STARD13: variants seen among roughly 807,000 people sequenced by gnomAD.
STARD13 encodes the protein stAR-related lipid transfer protein 13.
STARD13 carries 62 observed loss-of-function variants against 106.4 expected under a neutral mutation model. That is an observed-to-expected ratio of 0.58 (90% confidence interval 0.48 to 0.72). The LOEUF (loss-of-function observed/expected upper bound fraction) is 0.72, where lower values mean the gene tolerates loss of function less well. STARD13 is among the 30% of genes least tolerant of loss of function. The pLI, the probability that STARD13 is intolerant of heterozygous loss-of-function variation, is 0.00. For synonymous variants in STARD13, 565 were observed against 553.0 expected (o/e 1.02, Z -0.31); for missense variants, 1,387 against 1,424.0 (o/e 0.97, Z 0.42).
At chr13:33,274,426 G>T (rs1443957955) in intron 1 of STARD13, among the ~76,000 whole-genome samples, 2 of 152,184 alleles carry the variant, frequency 1.3e-5, no homozygotes, top group South Asian at 2.1e-4. Flanking sequence ...CCGGCACCTT[G>T]TTCTCAACTT....
chr13:33,558,276 A>C, the STARD13 span, among the ~76,000 whole-genome samples: 4 of 152,308 alleles, frequency 2.6e-5, no homozygotes, highest in South Asian at 8.3e-4. Flanking sequence ...CTTATCTATA[A>C]ATTGGGGATG....
the STARD13 span, among the ~76,000 whole-genome samples, chr13:33,645,196 C>T: frequency 6.6e-6 from 1 of 152,160 alleles, no homozygotes; most frequent in East Asian, 1.9e-4. Context: ...GCCTCCGTTA[C>T]AAGATGTCTT....
chr13:33,221,312 G>A (rs1888342812), intron 1 of STARD13, among the ~76,000 whole-genome samples: 2 of 152,142 alleles, frequency 1.3e-5, no homozygotes, highest in Non-Finnish European at 2.9e-5. Context: ...TTCTCCAGGT[G>A]CCTCATGTAA....
At position 33,111,805 on chromosome 13, in the gene STARD13, C is replaced by T; in HGVS notation, c.2580G>A (p.Met860Ile). 1 of 1,614,108 alleles carries T rather than the reference C, an allele frequency of 6.2e-7. No individual in the cohort carries two copies. The highest frequency in any genetic ancestry group is 1.1e-5 in the South Asian group (1 of 91,078). Residue 860 changes from methionine to isoleucine, a missense_variant, in exon 10 of 14, where the codon ATG becomes ATA. Transcript: ENST00000336934. ...CAAAAAGTCTGTCGCATTCCATGAT[C>T]ATGTGCGCTAGCCCCTGAGCTGCTG... The part of the protein sequence containing the change: ...NLAAAQGLAH[M>I]IMECDRLFEV...
chr13:33,254,630 C>T (rs1050978313), intron 1 of STARD13, among the ~76,000 whole-genome samples: 71 of 152,122 alleles, frequency 4.7e-4, no homozygotes, highest in African/African-American at 1.6e-3. Context: ...CCATATAAAT[C>T]CCGAAACCCA....
At chr13:33,510,103 G>A in the STARD13 span, among the ~76,000 whole-genome samples, 1 of 152,142 alleles carries the variant, frequency 6.6e-6, no homozygotes, top group Non-Finnish European at 1.5e-5. Context: ...AAGTTTTATT[G>A]CAGTGATGGC....
At chr13:33,649,158 G>C in the STARD13 span, among the ~76,000 whole-genome samples, 1 of 152,110 alleles carries the variant, frequency 6.6e-6, no homozygotes, top group Non-Finnish European at 1.5e-5. Context: ...TGATACTCTA[G>C]AGTCCAGATA....
chr13:33,130,040 C>G lies in STARD13; in HGVS notation c.637G>C (p.Gly213Arg). ...ACCGGGTTGTCTGTACAGCACTGGC[C>G]CGGCTGGCTGCGACTGTCGCTGCCT... ...SGGSDSRSQP[G>R]QCCTDNPVML... Residue 213 changes from glycine (G) to arginine (R), a missense_variant, in exon 5 of 14, where the codon GGC becomes CGC. Physicochemically the swap from Gly to Arg is moderately radical, Grantham distance 125. Transcript: ENST00000336934. The surrounding 1 kb of genome is among the most constrained non-coding windows in gnomAD (Gnocchi z 4.1). 6.2e-7 allele frequency: 1 copy of G among 1,613,504 alleles called. No individual in the cohort carries two copies. The highest frequency in any genetic ancestry group is 8.5e-7 in the Non-Finnish European group (1 of 1,179,882).
chr13:33,666,831 A>G, the STARD13 span, among the ~76,000 whole-genome samples: 4 of 152,106 alleles, frequency 2.6e-5, no homozygotes, highest in Non-Finnish European at 2.9e-5. Flanking sequence ...ACCTCATGTG[A>G]TCCACCTTCC....
the STARD13 span, among the ~76,000 whole-genome samples, chr13:33,673,506 T>G: frequency 1.4e-5 from 2 of 147,172 alleles, no homozygotes; most frequent in African/African-American, 5.4e-5. Flanking sequence ...TATACATTAG[T>G]TTTTTTTCTT....
Position 33,129,995 on chromosome 13 carries a change from C to A in STARD13, c.682G>T (p.Val228Phe). 6.2e-7 allele frequency: 1 copy of A among 1,612,958 alleles called. No individual in the cohort carries two copies. The highest frequency in any genetic ancestry group is 1.1e-5 in the South Asian group (1 of 90,992). ...GGGGGCTGTGGGAGGCTGCTGCTGA[C>A]GAGTGGGGCATCCAGCATGACCGGG... ...DNPVMLDAPL[V>F]SSSLPQPPRD... The change falls in exon 5 of 14, where the codon GTC becomes TTC. Residue 228 changes from valine (V) to phenylalanine (F), a missense_variant. Physicochemically the swap from Val to Phe is conservative, Grantham distance 50. Coordinates refer to ENST00000336934, the MANE Select transcript of STARD13 (RefSeq NM_178006.4).
the STARD13 span, among the ~76,000 whole-genome samples, chr13:33,499,809 G>A: frequency 1.8e-4 from 24 of 135,284 alleles, 1 homozygote; most frequent in South Asian, 5.2e-3. Flanking sequence ...CTATTCCCCA[G>A]GCTACAGTGC....
intron 1 of STARD13, among the ~76,000 whole-genome samples, chr13:33,179,114 A>C (rs1884988193): frequency 6.6e-6 from 1 of 152,140 alleles, no homozygotes; most frequent in Non-Finnish European, 1.5e-5. Context: ...TCAAGTTTCT[A>C]CTCTTATTGA....
At chr13:33,511,555 C>T in the STARD13 span, 2 of 152,044 alleles carry the variant, frequency 1.3e-5, no homozygotes, top group Admixed American at 1.3e-4. Flanking sequence ...ATCCTACTTA[C>T]GTTTAAAAAT....
chr13:33,288,852 CATT>C (rs1488492915), upstream of STARD13, among the ~76,000 whole-genome samples: 2 of 152,110 alleles, frequency 1.3e-5, no homozygotes, highest in Admixed American at 1.3e-4. Context: ...AAATATGTAA[CATT>C]ATTTTCTCAT....
the STARD13 span, among the ~76,000 whole-genome samples, chr13:33,440,227 C>T: frequency 0.078 from 11,711 of 149,912 alleles, 474 homozygotes; most frequent in East Asian, 0.13. Context: ...TGCAGTGAAC[C>T]GTGATCGTGT....
chr13:33,656,341 G>A, the STARD13 span, among the ~76,000 whole-genome samples: 1 of 152,118 alleles, frequency 6.6e-6, no homozygotes, highest in South Asian at 2.1e-4. Context: ...AGGAAAGAAA[G>A]GGAAGATCAA....
At chr13:33,328,586 T>G (rs2077802658) in intron 1 of STARD13, among the ~76,000 whole-genome samples, 1 of 151,996 alleles carries the variant, frequency 6.6e-6, no homozygotes, top group Non-Finnish European at 1.5e-5. Context: ...CAAGAAAGGG[T>G]AAGAGGGATG....
chr13:33,421,504 C>T, the STARD13 span, among the ~76,000 whole-genome samples: 23,736 of 151,986 alleles, frequency 0.16, 4,434 homozygotes, highest in African/African-American at 0.44. Flanking sequence ...CACAGCCGAA[C>T]TCTACCAAGG....
Sources: allele counts gnomAD v4.1 joint callset (sites outside exome capture counted in the v4.1 genomes callset), GRCh38; gene constraint gnomAD v4.1.1; non-coding constraint Gnocchi (gnomAD v3.1); transcripts MANE v1.5; gene names NCBI Gene and HGNC (gene_info 2026-07-23, HGNC 2026-07-21).